Variants in PLCB1 observed in about 807,000 individuals in gnomAD.
The protein encoded by PLCB1 is phospholipase C beta 1.
Under a neutral mutation model 161.8 loss-of-function variants are expected in PLCB1, and 46 were observed. That is an observed-to-expected ratio of 0.28 (90% CI 0.22 to 0.36). PLCB1 has a LOEUF of 0.36. PLCB1 is among the 10% of genes least tolerant of loss of function. The probability of loss-of-function intolerance (pLI) is 1.00; values close to 1 mark genes in which losing one functional copy is unlikely to be tolerated. For missense variants in PLCB1, 1,016 were observed against 1,472.5 expected (o/e 0.69, Z 5.07); for synonymous variants, 517 against 503.7 (o/e 1.03, Z -0.35).
rs1006933354 is a variant in PLCB1, at chr20:8,446,910, G to C, written c.246+75460G>C. Among the ~76,000 whole-genome samples, 50 of 152,018 alleles carry C rather than the reference G, an allele frequency of 3.3e-4. 2 individuals carry two copies. The Middle Eastern group carries it at 0.024, about 72-fold the overall frequency. On this transcript the variant is annotated intron_variant, in intron 3 of 31. Transcript: ENST00000338037. The stretch of plus-strand genomic sequence containing the variant: ...AAGATGTTATCTTCTAATTTTACTT[G>C]ATGCACAATTTGGAAATATAATTAG...
intron 9 of PLCB1, among the ~76,000 whole-genome samples, chr20:8,683,354 G>A (rs1990268733): frequency 6.7e-6 from 1 of 150,202 alleles, no homozygotes; most frequent in South Asian, 2.1e-4. Context: ...TTTCTTTAAT[G>A]AACATATTCC....
At chr20:8,268,779 C>G (rs1444996788) in intron 2 of PLCB1, among the ~76,000 whole-genome samples, 1 of 152,050 alleles carries the variant, frequency 6.6e-6, no homozygotes, top group East Asian at 1.9e-4. Flanking sequence ...TGAGAAGTGT[C>G]TGTTCATTTC....
At chr20:8,421,688 A>G (rs1884804954) in intron 3 of PLCB1, among the ~76,000 whole-genome samples, 1 of 152,130 alleles carries the variant, frequency 6.6e-6, no homozygotes, top group African/African-American at 2.4e-5. Context: ...ACCTTTGCAT[A>G]CTTGTAAATG....
chr20:8,610,008 T>C (rs1425071569), intron 3 of PLCB1, among the ~76,000 whole-genome samples: 1 of 152,192 alleles, frequency 6.6e-6, no homozygotes, highest in Non-Finnish European at 1.5e-5. Flanking sequence ...AATTTTGGAA[T>C]GTTTTCATCA....
At chr20:8,405,889 G>A (rs1978765021) in intron 3 of PLCB1, among the ~76,000 whole-genome samples, 2 of 152,138 alleles carry the variant, frequency 1.3e-5, no homozygotes, top group Admixed American at 1.3e-4. Flanking sequence ...GCTATATAAT[G>A]ATGCTACTGA....
At chr20:8,482,064 T>A (rs1472370111) in intron 3 of PLCB1, among the ~76,000 whole-genome samples, 2 of 151,590 alleles carry the variant, frequency 1.3e-5, no homozygotes, top group African/African-American at 4.9e-5. Context: ...TGTTTCTCTA[T>A]AGTTCAATTT....
intron 10 of PLCB1, among the ~76,000 whole-genome samples, chr20:8,687,026 A>ATTG (rs1990376252): frequency 6.6e-6 from 1 of 150,908 alleles, no homozygotes; most frequent in African/African-American, 2.4e-5. Flanking sequence ...TTAAATTATT[A>ATTG]TTATTATTAT....
At chr20:8,789,902 CT>C (rs200747481) in intron 30 of PLCB1, among the ~76,000 whole-genome samples, 6 of 151,458 alleles carry the variant, frequency 4.0e-5, no homozygotes, top group African/African-American at 1.2e-4. Flanking sequence ...AAGGGCTGTC[CT>C]TTTTTTTTCC....
chr20:8,527,653 G>T (rs1179930033), intron 3 of PLCB1, among the ~76,000 whole-genome samples: 1 of 151,980 alleles, frequency 6.6e-6, no homozygotes, highest in Non-Finnish European at 1.5e-5. Flanking sequence ...GAAGCAGAAG[G>T]GTTTCCAAGA....
At chr20:8,799,198 T>C (rs1984172553) in intron 31 of PLCB1, among the ~76,000 whole-genome samples, 1 of 152,238 alleles carries the variant, frequency 6.6e-6, no homozygotes, top group South Asian at 2.1e-4. Flanking sequence ...TGTGGACATA[T>C]GGTGATAAAT....
chr20:8,216,300 A>G (rs921874486), intron 2 of PLCB1, among the ~76,000 whole-genome samples: 1 of 125,188 alleles, frequency 8.0e-6, no homozygotes, highest in Non-Finnish European at 1.9e-5. Context: ...GCAATATAAA[A>G]TTTTAGGATA....
chr20:8,871,512 C>T (rs1987608630), intron 31 of PLCB1, among the ~76,000 whole-genome samples: 1 of 152,180 alleles, frequency 6.6e-6, no homozygotes, highest in Admixed American at 6.5e-5. Context: ...ATCCACAGTC[C>T]ATCTTGTGTG....
At chr20:8,848,828 TAGAA>T (rs1307125856) in intron 31 of PLCB1, among the ~76,000 whole-genome samples, 2 of 152,258 alleles carry the variant, frequency 1.3e-5, no homozygotes, top group African/African-American at 2.4e-5. Context: ...AGGGTGCACT[TAGAA>T]AGACAAACTC....
At chr20:8,259,327 T>G (rs1240589737) in intron 2 of PLCB1, among the ~76,000 whole-genome samples, 1 of 152,090 alleles carries the variant, frequency 6.6e-6, no homozygotes. Context: ...TTACTCTAAG[T>G]CTCTGCTGGC....
chr20:8,328,803 G>T (rs1463003331), intron 2 of PLCB1, among the ~76,000 whole-genome samples: 1 of 152,064 alleles, frequency 6.6e-6, no homozygotes, highest in East Asian at 1.9e-4. Flanking sequence ...GACTCCCTGG[G>T]GTGAGGATTG....
intron 2 of PLCB1, among the ~76,000 whole-genome samples, chr20:8,281,146 C>A (rs938158856): frequency 1.3e-5 from 2 of 152,062 alleles, no homozygotes; most frequent in Non-Finnish European, 2.9e-5. Context: ...ACAACATTAG[C>A]ATATTTTTTT....
chr20:8,452,667 C>T (rs956259684), intron 3 of PLCB1, among the ~76,000 whole-genome samples: 3 of 152,146 alleles, frequency 2.0e-5, no homozygotes, highest in Non-Finnish European at 4.4e-5. Flanking sequence ...TCAGTGATCC[C>T]TGCAAAAGAA....
intron 3 of PLCB1, among the ~76,000 whole-genome samples, chr20:8,392,633 A>G (rs531939817): frequency 6.6e-6 from 1 of 152,320 alleles, no homozygotes; most frequent in Non-Finnish European, 1.5e-5. Flanking sequence ...AATGATATAC[A>G]TCTCTCAAAT....
chr20:8,739,223 A>G lies in PLCB1; in HGVS notation c.2209-38A>G, dbSNP rs535225121. 2.6e-6 allele frequency: 3 copies of G among 1,162,168 alleles called. No individual in the cohort carries two copies. The Admixed American group carries it at 5.1e-5, about 20-fold the overall frequency. 72.0% of individuals were successfully genotyped at this position (1,162,168 alleles called of 1,614,324 possible). A position where few individuals can be genotyped will look rare whatever the true frequency, so the allele number is the denominator to read the frequency against. Reference sequence around the variant, plus strand: ...TTCTAATTATTTCTTGGAATTGTTCATTCTTATAACCAGGTGTGTCCTTAA... The same window carrying G: ...TTCTAATTATTTCTTGGAATTGTTCGTTCTTATAACCAGGTGTGTCCTTAA... On this transcript the variant is annotated intron_variant, in intron 20 of 31. Coordinates refer to ENST00000338037, the MANE Select transcript of PLCB1 (RefSeq NM_015192.4).
Sources: gnomAD v4.1 joint callset for allele counts (sites outside exome capture counted in the v4.1 genomes callset) on GRCh38, gnomAD v4.1.1 for gene constraint, MANE v1.5 for transcripts, NCBI Gene and HGNC (gene_info 2026-07-23, HGNC 2026-07-21) for gene names.